Variants in CACNA2D3 observed in about 807,000 individuals in gnomAD.
The protein encoded by CACNA2D3 is voltage-dependent calcium channel subunit alpha-2/delta-3.
A neutral mutation model predicts 160.6 loss-of-function variants in CACNA2D3; 60 were observed. That is an observed-to-expected ratio of 0.37 (90% CI 0.30 to 0.46). The LOEUF (loss-of-function observed/expected upper bound fraction) is 0.46. CACNA2D3 is among the 20% of genes least tolerant of loss of function. CACNA2D3 has a pLI of 1.00. For missense variants in CACNA2D3, 1,205 were observed against 1,365.0 expected, an observed-to-expected ratio of 0.88 and a Z score of 1.85; for synonymous variants, 558 against 492.9, an observed-to-expected ratio of 1.13 and a Z score of -1.75.
chr3:54,727,300 C>T (rs1184361927), intron 11 of CACNA2D3, among the ~76,000 whole-genome samples: 1 of 152,220 alleles, frequency 6.6e-6, no homozygotes, highest in Non-Finnish European at 1.5e-5. Flanking sequence ...CGCTCTTACA[C>T]TGTTGGTGGG....
chr3:55,007,759 TG>T, intron 32 of CACNA2D3, 30 bp from the exon 33 acceptor site: 1 of 1,478,566 alleles, frequency 6.8e-7, no homozygotes, highest in Non-Finnish European at 9.1e-7. Flanking sequence ...TGCACTACAT[TG>T]TTTTTAATGA....
In CACNA2D3 at chr3:54,819,217, A is replaced by G. The variant is rs538324574; in HGVS notation, c.1398+2347A>G. Among the ~76,000 whole-genome samples the G allele has an allele frequency of 2.6e-5, 4 of 152,296 alleles. No individual in the cohort carries two copies. The South Asian group carries it at 8.3e-4, about 32-fold the overall frequency. On this transcript the variant is annotated intron_variant, in intron 14 of 37. Transcript: ENST00000474759. The stretch of plus-strand genomic sequence containing the variant: ...TTTTGGCCTTCATCCATTTGTTACC[A>G]TGGGTAAGTTACTTAACCTCTCTAA...
intron 2 of CACNA2D3, among the ~76,000 whole-genome samples, chr3:54,215,756 A>G (rs1701449886): frequency 6.6e-6 from 1 of 152,142 alleles, no homozygotes; most frequent in African/African-American, 2.4e-5. Flanking sequence ...TAGGTGTGAA[A>G]TTTATTTCCT....
chr3:55,039,811 A>G (rs6776948), intron 35 of CACNA2D3, among the ~76,000 whole-genome samples: 27,443 of 152,182 alleles, frequency 0.18, 2,653 homozygotes, highest in Non-Finnish European at 0.19. Context: ...AAGTCTTTTT[A>G]GGAGTCAAAC....
chr3:54,604,620 G>A (rs1703130040), intron 9 of CACNA2D3, among the ~76,000 whole-genome samples: 2 of 152,070 alleles, frequency 1.3e-5, no homozygotes, highest in Admixed American at 6.5e-5. Context: ...CCTGTCACCT[G>A]TGCCTTCAAG....
At chr3:54,911,341 T>C (rs570954213) in intron 27 of CACNA2D3, among the ~76,000 whole-genome samples, 48 of 104,404 alleles carry the variant, frequency 4.6e-4, no homozygotes, top group African/African-American at 1.6e-3. Flanking sequence ...TCCCCCTCCT[T>C]CTTTGTCGTC....
intron 17 of CACNA2D3, among the ~76,000 whole-genome samples, chr3:54,850,386 A>G (rs1003704514): frequency 6.6e-6 from 1 of 152,206 alleles, no homozygotes; most frequent in African/African-American, 2.4e-5. Flanking sequence ...AGTTGTTATG[A>G]TGCCCCTGGA....
chr3:54,642,649 C>G (rs573296520), intron 11 of CACNA2D3, among the ~76,000 whole-genome samples: 3 of 152,166 alleles, frequency 2.0e-5, no homozygotes, highest in East Asian at 1.9e-4. Context: ...GTTCCTCCCA[C>G]GGCCCCCATT....
At chr3:54,326,982 G>A (rs372665467) in intron 3 of CACNA2D3, among the ~76,000 whole-genome samples, 16 of 152,158 alleles carry the variant, frequency 1.1e-4, no homozygotes, top group East Asian at 5.8e-4. Flanking sequence ...AAAATCGTAC[G>A]TATATATGTA....
chr3:54,861,369 A>G (rs1218854535), intron 17 of CACNA2D3, among the ~76,000 whole-genome samples: 4 of 152,074 alleles, frequency 2.6e-5, no homozygotes, highest in South Asian at 4.2e-4. Context: ...CGATGATGAC[A>G]TTTTCAGCAG....
At chr3:54,719,240 C>G (rs967474216) in intron 11 of CACNA2D3, among the ~76,000 whole-genome samples, 1 of 148,204 alleles carries the variant, frequency 6.7e-6, no homozygotes, top group Non-Finnish European at 1.5e-5. Context: ...ATTCTTACCT[C>G]TTTCATGATC....
intron 13 of CACNA2D3, among the ~76,000 whole-genome samples, chr3:54,797,189 C>T (rs908662789): frequency 2.6e-5 from 4 of 152,136 alleles, no homozygotes; most frequent in Admixed American, 2.0e-4. Context: ...TCTTTTGTTT[C>T]TAGGGTAAGT....
At chr3:55,016,575 G>A (rs1015489335) in intron 34 of CACNA2D3, among the ~76,000 whole-genome samples, 4 of 152,202 alleles carry the variant, frequency 2.6e-5, no homozygotes, top group Non-Finnish European at 5.9e-5. Flanking sequence ...GTGCATGCAT[G>A]TAGGTGGGCA....
intron 27 of CACNA2D3, among the ~76,000 whole-genome samples, chr3:54,904,833 A>T (rs1262213556): frequency 1.3e-5 from 2 of 152,186 alleles, no homozygotes; most frequent in Non-Finnish European, 2.9e-5. Flanking sequence ...ACAGATAATC[A>T]CTCAGTAGCT....
At chr3:54,987,446 A>G (rs544806623) in intron 30 of CACNA2D3, among the ~76,000 whole-genome samples, 22 of 152,252 alleles carry the variant, frequency 1.4e-4, no homozygotes, top group Admixed American at 7.8e-4. Context: ...TAATTTCAGC[A>G]TTCAGCATGG....
chr3:54,447,927 A>G (rs1700247580), intron 4 of CACNA2D3, among the ~76,000 whole-genome samples: 3 of 152,158 alleles, frequency 2.0e-5, no homozygotes, highest in African/African-American at 7.2e-5. Flanking sequence ...AGAACTAACA[A>G]TAGAAAAACC....
chr3:54,851,209 T>C (rs1699050132), intron 17 of CACNA2D3, among the ~76,000 whole-genome samples: 1 of 152,150 alleles, frequency 6.6e-6, no homozygotes, highest in South Asian at 2.1e-4. Context: ...CACTGACTAA[T>C]TGAATAGCAA....
At chr3:54,139,634 G>T (rs540211515) in intron 2 of CACNA2D3, among the ~76,000 whole-genome samples, 2 of 152,206 alleles carry the variant, frequency 1.3e-5, no homozygotes, top group Admixed American at 6.5e-5. Context: ...TGATATTTTA[G>T]ACAGTGAGTA....
intron 35 of CACNA2D3, among the ~76,000 whole-genome samples, chr3:55,044,680 G>A (rs368000): frequency 0.065 from 9,914 of 151,770 alleles, 1,075 homozygotes; most frequent in African/African-American, 0.23. Context: ...CAGACACCCT[G>A]GCCATGTTCC....
Sources: allele counts gnomAD v4.1 joint callset (sites outside exome capture counted in the v4.1 genomes callset), GRCh38; gene constraint gnomAD v4.1.1; transcripts MANE v1.5; gene names NCBI Gene and HGNC (gene_info 2026-07-23, HGNC 2026-07-21).